Variants in NR2F1-AS1 observed in about 807,000 individuals in gnomAD.
NR2F1-AS1 encodes NR2F1 regulatory antisense RNA 1.
chr5:93,551,759 T>C (rs1188213336), intron 4 of NR2F1-AS1, among the ~76,000 whole-genome samples: 3 of 152,190 alleles, frequency 2.0e-5, no homozygotes, highest in African/African-American at 7.2e-5. Context: ...ATACTCATTA[T>C]TGAAATCTAA....
chr5:93,554,832 T>A (rs1039326888), intron 3 of NR2F1-AS1: 5 of 152,186 alleles, frequency 3.3e-5, no homozygotes, highest in Non-Finnish European at 7.3e-5. Context: ...GATCCTCTGT[T>A]AGCACAGGAA....
chr5:93,532,308 T>C (rs1393936572), intron 4 of NR2F1-AS1, among the ~76,000 whole-genome samples: 1 of 151,918 alleles, frequency 6.6e-6, no homozygotes, highest in Non-Finnish European at 1.5e-5. Context: ...AGTTCTAAAT[T>C]TCTTAAAATA....
At chr5:93,494,264 T>G (rs1750912838) in intron 4 of NR2F1-AS1, among the ~76,000 whole-genome samples, 1 of 152,178 alleles carries the variant, frequency 6.6e-6, no homozygotes, top group African/African-American at 2.4e-5. Flanking sequence ...TCAACATCAC[T>G]GGTCATTAAG....
chr5:93,528,225 A>G (rs1268285271), intron 4 of NR2F1-AS1, among the ~76,000 whole-genome samples: 1 of 152,246 alleles, frequency 6.6e-6, no homozygotes, highest in East Asian at 1.9e-4. Context: ...GAAGACATTT[A>G]TGCAGCCAAC....
At chr5:93,542,834 A>G (rs530379921) in intron 4 of NR2F1-AS1, 78 of 152,242 alleles carry the variant, frequency 5.1e-4, no homozygotes, top group Non-Finnish European at 9.6e-4. Flanking sequence ...TGGCACATAG[A>G]CCAGAAAACT....
intron 4 of NR2F1-AS1, among the ~76,000 whole-genome samples, chr5:93,443,218 G>A (rs1749614117): frequency 6.6e-6 from 1 of 152,188 alleles, no homozygotes; most frequent in African/African-American, 2.4e-5. Flanking sequence ...GAGAGAAGAA[G>A]GCTTCAGATG....
chr5:93,583,175 A>T (rs1753153766), upstream of NR2F1-AS1: 1 of 152,118 alleles, frequency 6.6e-6, no homozygotes, highest in Non-Finnish European at 1.5e-5. Context: ...TTTCAATAGT[A>T]GTGTCAAAGT....
chr5:93,577,438 C>T (rs1326636565), intron 1 of NR2F1-AS1, among the ~76,000 whole-genome samples: 1 of 152,206 alleles, frequency 6.6e-6, no homozygotes, highest in South Asian at 2.1e-4. Flanking sequence ...CTAACTTGGC[C>T]TATCCACCTG....
intron 4 of NR2F1-AS1, among the ~76,000 whole-genome samples, chr5:93,526,139 A>T (rs1751609560): frequency 6.6e-6 from 1 of 152,198 alleles, no homozygotes; most frequent in African/African-American, 2.4e-5. Context: ...AGAGAGAAGA[A>T]TCAAATAAAC....
chr5:93,519,446 A>G (rs1278308175), intron 4 of NR2F1-AS1, among the ~76,000 whole-genome samples: 1 of 152,052 alleles, frequency 6.6e-6, no homozygotes, highest in Non-Finnish European at 1.5e-5. Flanking sequence ...TAATATTCAC[A>G]TACGTGGGAA....
At chr5:93,460,672 G>A (rs554926544) in intron 4 of NR2F1-AS1, among the ~76,000 whole-genome samples, 1 of 152,090 alleles carries the variant, frequency 6.6e-6, no homozygotes, top group South Asian at 2.1e-4. Context: ...GCCACCCAAA[G>A]GACATGAACA....
intron 4 of NR2F1-AS1, among the ~76,000 whole-genome samples, chr5:93,457,010 C>T (rs1348921532): frequency 6.6e-6 from 1 of 152,232 alleles, no homozygotes; most frequent in African/African-American, 2.4e-5. Context: ...AGGCGGTTTT[C>T]TCCTATCTCC....
intron 4 of NR2F1-AS1, among the ~76,000 whole-genome samples, chr5:93,519,195 T>C (rs1421313533): frequency 2.0e-5 from 3 of 152,018 alleles, no homozygotes; most frequent in African/African-American, 7.2e-5. Flanking sequence ...AAAAAATACA[T>C]AACTTTAAAC....
rs192681931 is a variant in NR2F1-AS1, at chr5:93,476,532, G to T, written n.638+77229C>A. Among the ~76,000 whole-genome samples the T allele has an allele frequency of 1.9e-3, 294 of 152,280 alleles. 2 individuals are homozygous for T. The highest frequency in any genetic ancestry group is 6.8e-3 in the African/African-American group (283 of 41,560). Reference sequence around the variant, plus strand: ...GCTAATTGACAGTTCCTGTGAAATGGTTCTAATTAAAGTCAATATGTCTTT... The same window carrying T: ...GCTAATTGACAGTTCCTGTGAAATGTTTCTAATTAAAGTCAATATGTCTTT... On this transcript the variant is annotated intron_variant and non_coding_transcript_variant, in intron 4 of 5. Transcript: ENST00000660523.
At chr5:93,555,960 C>T (rs936421319) in intron 2 of NR2F1-AS1, among the ~76,000 whole-genome samples, 2 of 152,046 alleles carry the variant, frequency 1.3e-5, no homozygotes, top group Admixed American at 6.6e-5. Context: ...AATTCTACAA[C>T]AATTTCTCGA....
At chr5:93,489,153 G>A (rs1017521360) in intron 4 of NR2F1-AS1, among the ~76,000 whole-genome samples, 9 of 151,890 alleles carry the variant, frequency 5.9e-5, no homozygotes, top group African/African-American at 1.9e-4. Context: ...TGTAGATGAC[G>A]GGTTAAAGGG....
chr5:93,465,373 G>A (rs974339771), intron 4 of NR2F1-AS1, among the ~76,000 whole-genome samples: 1 of 152,208 alleles, frequency 6.6e-6, no homozygotes, highest in Non-Finnish European at 1.5e-5. Flanking sequence ...AAACCACAAT[G>A]AGATACCATC....
At chr5:93,457,166 T>TCG (rs1368797651) in intron 4 of NR2F1-AS1, among the ~76,000 whole-genome samples, 2 of 152,134 alleles carry the variant, frequency 1.3e-5, no homozygotes, top group Admixed American at 6.5e-5. Flanking sequence ...TTTACGGGTG[T>TCG]CGGGCTGGGG....
chr5:93,484,311 A>G (rs921120090), intron 4 of NR2F1-AS1, among the ~76,000 whole-genome samples: 1 of 152,214 alleles, frequency 6.6e-6, no homozygotes, highest in Non-Finnish European at 1.5e-5. Context: ...ATTCTTAAAG[A>G]AAAGAATTTT....
Sources: allele counts gnomAD v4.1 joint callset (sites outside exome capture counted in the v4.1 genomes callset), GRCh38; gene constraint gnomAD v4.1.1; transcripts MANE v1.5; gene names NCBI Gene and HGNC (gene_info 2026-07-23, HGNC 2026-07-21).